ME1: variants seen among roughly 807,000 people sequenced by gnomAD.
ME1 encodes NADP-dependent malic enzyme.
In ME1, 74 loss-of-function variants were observed where a neutral mutation model predicts 66.4. The ratio of observed to expected loss-of-function variants is 1.11; its 90% CI spans 0.92 to 1.35. The LOEUF (loss-of-function observed/expected upper bound fraction) is 1.35. Among genes scored for constraint, ME1 ranks in the 40% most tolerant of loss-of-function variants. ME1 has a pLI of 0.00. For synonymous variants in ME1, 251 were observed against 235.6 expected (o/e 1.07, Z -0.60); for missense variants, 750 against 694.1 (o/e 1.08, Z -0.90).
chr6:83,429,124 A>G (rs12204138), intron 1 of ME1, among the ~76,000 whole-genome samples: 53,519 of 151,936 alleles, frequency 0.35, 9,823 homozygotes, highest in Middle Eastern at 0.49. Flanking sequence ...TTTGCCGGGC[A>G]TGGTGGCGGG....
chr6:83,237,324 G>A (rs1162048149), intron 9 of ME1, among the ~76,000 whole-genome samples: 19 of 139,748 alleles, frequency 1.4e-4, no homozygotes, highest in African/African-American at 4.8e-4. Flanking sequence ...GAAAAGGAAG[G>A]AAAGGAAGGA....
intron 5 of ME1, among the ~76,000 whole-genome samples, chr6:83,319,627 C>T (rs1768114893): frequency 6.6e-6 from 1 of 152,148 alleles, no homozygotes; most frequent in Non-Finnish European, 1.5e-5. Flanking sequence ...CAGATCATTT[C>T]TTATGAAAGA....
chr6:83,292,797 G>A (rs1409437602), intron 6 of ME1, among the ~76,000 whole-genome samples: 2 of 152,178 alleles, frequency 1.3e-5, no homozygotes, highest in Admixed American at 6.5e-5. Context: ...GAGCTTCCCT[G>A]CCGCTTTGCT....
chr6:83,408,610 T>C (rs1256033085), intron 1 of ME1, among the ~76,000 whole-genome samples: 1 of 152,210 alleles, frequency 6.6e-6, no homozygotes, highest in East Asian at 1.9e-4. Flanking sequence ...AAACAAATGA[T>C]AATAACAAGC....
chr6:83,401,823 G>A (rs1562003985), intron 2 of ME1, among the ~76,000 whole-genome samples: 1 of 152,148 alleles, frequency 6.6e-6, no homozygotes, highest in Admixed American at 6.5e-5. Context: ...CCCTGATGTG[G>A]CACCATTCTC....
chr6:83,359,807 C>T (rs1768973746), intron 3 of ME1, among the ~76,000 whole-genome samples: 1 of 152,172 alleles, frequency 6.6e-6, no homozygotes, highest in African/African-American at 2.4e-5. Flanking sequence ...CTTGCACTTG[C>T]TCTCCTCTGC....
intron 9 of ME1, among the ~76,000 whole-genome samples, chr6:83,232,798 T>C (rs542063276): frequency 6.2e-4 from 94 of 152,310 alleles, no homozygotes; most frequent in African/African-American, 2.2e-3. Context: ...AGGAATGAAA[T>C]AACTATATTG....
chr6:83,276,595 A>C (rs1746472744), intron 6 of ME1, among the ~76,000 whole-genome samples: 1 of 152,250 alleles, frequency 6.6e-6, no homozygotes, highest in Non-Finnish European at 1.5e-5. Context: ...CATACAATGA[A>C]AACAAGGCAA....
At chr6:83,420,239 T>C (rs1770239211) in intron 1 of ME1, among the ~76,000 whole-genome samples, 1 of 152,188 alleles carries the variant, frequency 6.6e-6, no homozygotes. Flanking sequence ...AGCTAATTTT[T>C]ATATTTTTAG....
At chr6:83,237,280 G>GAAAGAGAAAGA (rs1562455285) in intron 9 of ME1, among the ~76,000 whole-genome samples, 5 of 21,614 alleles carry the variant, frequency 2.3e-4, no homozygotes, top group South Asian at 1.2e-3. Context: ...AGAAAGAAAG[G>GAAAGAGAAAGA]AAGGAAGGAA....
At chr6:83,403,612 T>C (rs1226425283) in intron 2 of ME1, among the ~76,000 whole-genome samples, 4 of 152,102 alleles carry the variant, frequency 2.6e-5, no homozygotes, top group Non-Finnish European at 5.9e-5. Context: ...TTTTAAGCCC[T>C]GCATGCATTA....
intron 6 of ME1, among the ~76,000 whole-genome samples, chr6:83,268,728 G>GTTATTA (rs57723634): frequency 0.06 from 8,619 of 143,726 alleles, 545 homozygotes; most frequent in East Asian, 0.2. Flanking sequence ...ACCATGCCCC[G>GTTATTA]TTATTATTAT....
chr6:83,418,367 A>G (rs1388261705), intron 1 of ME1, among the ~76,000 whole-genome samples: 3 of 152,110 alleles, frequency 2.0e-5, no homozygotes, highest in Non-Finnish European at 2.9e-5. Context: ...AGACCCAGGA[A>G]GAGCCCACAT....
chr6:83,289,044 T>C (rs898330946), intron 6 of ME1, among the ~76,000 whole-genome samples: 1 of 152,200 alleles, frequency 6.6e-6, no homozygotes, highest in African/African-American at 2.4e-5. Flanking sequence ...TTAAGGAAAT[T>C]TGGGGCTGAG....
chr6:83,333,328 C>T lies in ME1; in HGVS notation c.600+12845G>A, dbSNP rs114326527. On this transcript the variant is annotated intron_variant, in intron 5 of 13. Transcript: ENST00000369705. ...GAACATTTTGACTAAAATCAGTTTTCCATATGTGAAACTGCCACTACATAA... is the reference window on the plus strand; with the variant it reads ...GAACATTTTGACTAAAATCAGTTTTTCATATGTGAAACTGCCACTACATAA... Among the ~76,000 whole-genome samples the T allele has an allele frequency of 5.8e-3, 881 of 152,184 alleles. 8 individuals carry two copies. The highest frequency in any genetic ancestry group is 0.02 in the African/African-American group (841 of 41,524).
chr6:83,329,758 T>C (rs995902147), intron 5 of ME1, among the ~76,000 whole-genome samples: 1 of 152,208 alleles, frequency 6.6e-6, no homozygotes, highest in Non-Finnish European at 1.5e-5. Context: ...CTTAGGCAAT[T>C]TGTATAGTGG....
At chr6:83,344,937 C>T (rs534456337) in intron 5 of ME1, among the ~76,000 whole-genome samples, 1 of 151,338 alleles carries the variant, frequency 6.6e-6, no homozygotes, top group East Asian at 1.9e-4. Flanking sequence ...TTCAATGCAA[C>T]TTATCACATA....
intron 1 of ME1, among the ~76,000 whole-genome samples, chr6:83,429,544 C>A (rs1490315551): frequency 4.0e-5 from 6 of 151,646 alleles, no homozygotes; most frequent in African/African-American, 1.5e-4. Context: ...GGCAAACCTG[C>A]AGAATAATAA....
intron 5 of ME1, among the ~76,000 whole-genome samples, chr6:83,328,224 C>T (rs1768339053): frequency 6.6e-6 from 1 of 152,096 alleles, no homozygotes; most frequent in Admixed American, 6.6e-5. Flanking sequence ...GAACAGAAAA[C>T]CAAACACCGC....
Sources: gnomAD v4.1 joint callset for allele counts (sites outside exome capture counted in the v4.1 genomes callset) on GRCh38, gnomAD v4.1.1 for gene constraint, MANE v1.5 for transcripts, NCBI Gene and HGNC (gene_info 2026-07-23, HGNC 2026-07-21) for gene names.